Variants in MFAP1 observed in about 807,000 individuals in gnomAD.
MFAP1 encodes microfibrillar-associated protein 1.
In MFAP1, 18 loss-of-function variants were observed where a neutral mutation model predicts 62.2. That is an observed-to-expected ratio of 0.29 (90% CI 0.20 to 0.43). The LOEUF (loss-of-function observed/expected upper bound fraction) is 0.43. Ranked by LOEUF, MFAP1 falls within the 20% of genes least tolerant of loss-of-function variation. The pLI is 1.00. For synonymous variants in MFAP1, 175 were observed against 180.4 expected (o/e 0.97, Z 0.24); for missense variants, 355 against 559.7 (o/e 0.63, Z 3.69).
At position 43,819,353 on chromosome 15, in the gene MFAP1, G is replaced by A. The variant is rs900201582; in HGVS notation, c.80-1905C>T. 3.9e-5 allele frequency among the ~76,000 whole-genome samples: 6 copies of A among 152,230 alleles called. No homozygotes were observed. The East Asian group carries it at 9.6e-4, about 24-fold the overall frequency. On this transcript the variant is annotated intron_variant, in intron 1 of 8. Coordinates refer to ENST00000267812, the MANE Select transcript of MFAP1 (RefSeq NM_005926.3). ...GAAAGGGTCTTGCTATGTTGCCCAA[G>A]CTGGCCTTGGACTCCTGGCCTCAAG...
chr15:43,822,225 G>C (rs922330289), intron 1 of MFAP1, among the ~76,000 whole-genome samples: 3 of 144,844 alleles, frequency 2.1e-5, no homozygotes, highest in African/African-American at 7.7e-5. Flanking sequence ...AAAAAGCCCA[G>C]CATCACTAGT....
chr15:43,824,512 C>T lies in MFAP1; in HGVS notation c.58G>A (p.Val20Ile). The change falls in exon 1 of 9, where the codon GTC becomes ATC. Residue 20 changes from valine to isoleucine, a missense_variant. This residue lies in a region of MFAP1 where 29 missense variants were observed against 46.0 expected (regional missense o/e 0.63). Transcript: ENST00000267812. ...GTACCTTTCTCATTGCGAACTGGGA[C>T]GGCCCCAGCCGTAGACTGAATGGGC... ...QPPIQSTAGAVPVRNEKGEIS... is the reference protein window; with the variant it reads ...QPPIQSTAGAIPVRNEKGEIS... The T allele has an allele frequency of 1.2e-6, 2 of 1,614,116 alleles. No homozygotes were observed. Among genetic ancestry groups the T allele is most frequent in the Non-Finnish European group, 1.7e-6 (2 of 1,180,018 alleles).
chr15:43,805,558 A>G (rs2087357336), intron 7 of MFAP1, 93 bp from the exon 8 acceptor site: 1 of 1,002,372 alleles, frequency 1.0e-6, no homozygotes, highest in Non-Finnish European at 1.5e-6. Context: ...GATACAGAGA[A>G]AGCAGAGGGT....
intron 4 of MFAP1, among the ~76,000 whole-genome samples, chr15:43,813,744 T>TC (rs1200856858): frequency 1.3e-5 from 2 of 151,682 alleles, no homozygotes; most frequent in Non-Finnish European, 2.9e-5. Flanking sequence ...ACTCCTGACC[T>TC]CCTGATCCAC....
At chr15:43,823,718 G>A (rs1037982275) in intron 1 of MFAP1, among the ~76,000 whole-genome samples, 5 of 152,184 alleles carry the variant, frequency 3.3e-5, no homozygotes, top group African/African-American at 1.2e-4. Flanking sequence ...CTGCCTCTCA[G>A]TAGGGAATAA....
chr15:43,821,165 A>C (rs1339463503), intron 1 of MFAP1, among the ~76,000 whole-genome samples: 2 of 152,180 alleles, frequency 1.3e-5, no homozygotes, highest in African/African-American at 4.8e-5. Context: ...GTCACAAGTA[A>C]TCTATAAGAT....
chr15:43,805,104 T>G lies in MFAP1; in HGVS notation c.1310A>C (p.Lys437Thr). ...ATAAGCAGTTGGACCCTAGGTAGTT[T>G]TCCGCTTCTTGGCAGATGGCCGCTC... ...VFERPSAKKR[K>T]TT The change falls in exon 9 of 9, where the codon AAA becomes ACA. Residue 437 changes from lysine (K) to threonine (T), a missense_variant. Coordinates refer to ENST00000267812, the MANE Select transcript of MFAP1 (RefSeq NM_005926.3). The G allele has an allele frequency of 6.3e-7, 1 of 1,583,354 alleles. No homozygotes were observed. The highest frequency in any genetic ancestry group is 1.3e-5 in the African/African-American group (1 of 74,412).
intron 2 of MFAP1, among the ~76,000 whole-genome samples, chr15:43,816,203 T>C (rs1020786289): frequency 2.0e-5 from 3 of 152,092 alleles, no homozygotes; most frequent in Non-Finnish European, 2.9e-5. Flanking sequence ...AAAAGTGTTT[T>C]TTCCCCCCTG....
intron 2 of MFAP1, 36 bp downstream of exon 2, chr15:43,817,193 G>A (rs1335632029): frequency 6.4e-7 from 1 of 1,569,212 alleles, no homozygotes; most frequent in Non-Finnish European, 8.8e-7. Context: ...AAGCTGTAGA[G>A]GTTCATGTTC....
chr15:43,820,688 G>A lies in MFAP1; in HGVS notation c.80-3240C>T, dbSNP rs185285410. On this transcript the variant is annotated intron_variant, in intron 1 of 8. Transcript: ENST00000267812. Reference sequence around the variant, plus strand: ...TGGCGCAATCATGGCTCACCGCAGCGTCAGCCTCCTAGGCTCAAACCATTC... The same window carrying A: ...TGGCGCAATCATGGCTCACCGCAGCATCAGCCTCCTAGGCTCAAACCATTC... 2.4e-3 allele frequency among the ~76,000 whole-genome samples: 365 copies of A among 152,228 alleles called. 2 individuals are homozygous for A. Among genetic ancestry groups the A allele is most frequent in the South Asian group, 2.5e-3 (12 of 4,830 alleles).
chr15:43,805,576 CT>C, intron 7 of MFAP1, 111 bp from the exon 8 acceptor site: 3 of 835,572 alleles, frequency 3.6e-6, no homozygotes, highest in Non-Finnish European at 5.4e-6. Flanking sequence ...GGTATTGAGC[CT>C]TTCTTCAAGA....
chr15:43,811,415 C>CA (rs573152892), intron 6 of MFAP1, among the ~76,000 whole-genome samples: 18,272 of 73,366 alleles, frequency 0.25, 1,596 homozygotes, highest in East Asian at 0.38. Context: ...GACTGTGTCT[C>CA]AAAAAAAAAA....
chr15:43,810,695 G>A (rs1327518677), intron 6 of MFAP1, among the ~76,000 whole-genome samples: 1 of 151,514 alleles, frequency 6.6e-6, no homozygotes, highest in Non-Finnish European at 1.5e-5. Context: ...AGCCAGTGTT[G>A]GGGAGAGGGA....
At chr15:43,816,312 C>A (rs2087433642) in intron 2 of MFAP1, among the ~76,000 whole-genome samples, 1 of 141,514 alleles carries the variant, frequency 7.1e-6, no homozygotes, top group Non-Finnish European at 1.5e-5. Context: ...GTGGCGTGAT[C>A]TCGGCTCACT....
At chr15:43,819,846 T>G (rs1266837371) in intron 1 of MFAP1, among the ~76,000 whole-genome samples, 2 of 152,228 alleles carry the variant, frequency 1.3e-5, no homozygotes, top group African/African-American at 4.8e-5. Flanking sequence ...AGCATTCTCT[T>G]TAAAAATCAG....
chr15:43,818,389 G>A (rs1055332160), intron 1 of MFAP1, among the ~76,000 whole-genome samples: 12 of 151,436 alleles, frequency 7.9e-5, no homozygotes, highest in Admixed American at 1.3e-4. Flanking sequence ...GTATAACCTT[G>A]ATAACCAAAT....
rs759625890 is a variant in MFAP1, at chr15:43,813,077, T to C, written c.797A>G (p.Asn266Ser). 8.1e-6 allele frequency: 13 copies of C among 1,614,116 alleles called. No homozygotes were observed. Among genetic ancestry groups the C allele is most frequent in the Admixed American group, 1.7e-5 (1 of 59,998 alleles). The change falls in exon 6 of 9, where the codon AAT becomes AGT. Residue 266 changes from asparagine to serine, a missense_variant. Asn to Ser is a conservative substitution (Grantham distance 46). Transcript: ENST00000267812. ...CTCCTCATCATTTTCATCATCAGTA[T>C]TGAGTGCATCCAATGCAGCCAGGGA... ...KRSLAALDALNTDDENDEEEY... is the reference protein window; with the variant it reads ...KRSLAALDALSTDDENDEEEY...
At chr15:43,814,084 T>C (rs2087419875) in intron 4 of MFAP1, among the ~76,000 whole-genome samples, 1 of 151,798 alleles carries the variant, frequency 6.6e-6, no homozygotes, top group African/African-American at 2.4e-5. Flanking sequence ...AAAAACCCCC[T>C]CTCTACTAAA....
chr15:43,814,591 C>A lies in MFAP1; in HGVS notation c.527G>T (p.Gly176Val), dbSNP rs2087422896. 1 of 1,614,206 alleles carries A rather than the reference C, an allele frequency of 6.2e-7. No homozygotes were observed. ...CTCAGACTCTGATTCTGACTCCTCT[C>A]CAGAACGACCCTCATCTTCCACTTC... Reference protein sequence around the residue: ...VMEVEDEGRSGEESESESEYE... With the variant: ...VMEVEDEGRSVEESESESEYE... The change falls in exon 4 of 9, where the codon GGA becomes GTA. Residue 176 changes from glycine to valine, a missense_variant. Gly to Val is a moderately radical substitution (Grantham distance 109). This residue lies in a region of MFAP1 where 257 missense variants were observed against 341.3 expected (regional missense o/e 0.75). Coordinates refer to ENST00000267812, the MANE Select transcript of MFAP1 (RefSeq NM_005926.3).
Sources: allele counts gnomAD v4.1 joint callset (sites outside exome capture counted in the v4.1 genomes callset), GRCh38; gene constraint gnomAD v4.1.1; regional missense constraint gnomAD v4.1.1; transcripts MANE v1.5; gene names NCBI Gene and HGNC (gene_info 2026-07-23, HGNC 2026-07-21).